ZNF750: variants seen among roughly 807,000 people sequenced by gnomAD.
ZNF750 encodes the protein zinc finger protein 750.
Under a neutral mutation model 31.6 loss-of-function variants are expected in ZNF750, and 10 were observed. That is an observed-to-expected ratio of 0.32 (90% CI 0.19 to 0.54). The LOEUF (loss-of-function observed/expected upper bound fraction) is 0.54, where lower values mean the gene tolerates loss of function less well. ZNF750 is among the 20% of genes least tolerant of loss of function. The pLI is 0.95. For missense variants in ZNF750, 914 were observed against 934.9 expected, an observed-to-expected ratio of 0.98 and a Z score of 0.29; for synonymous variants, 400 against 404.9, an observed-to-expected ratio of 0.99 and a Z score of 0.15.
Position 82,831,647 on chromosome 17 carries a change from C to T in ZNF750, c.808G>A (p.Ala270Thr), listed in dbSNP as rs898913707. The T allele has an allele frequency of 5.9e-5, 96 of 1,613,946 alleles. No homozygotes were observed. The highest frequency in any genetic ancestry group is 1.6e-4 in the Middle Eastern group (1 of 6,084). The change falls in exon 2 of 3, where the codon GCA becomes ACA. Residue 270 changes from alanine (A) to threonine (T), a missense_variant. By Grantham distance (58) the Ala-to-Thr change is moderately conservative. Around this residue, in one of 2 missense-constraint regions of ZNF750, gnomAD observed 880 missense variants for 868.9 expected, o/e 1.01. Transcript: ENST00000269394. This position sits in a 1 kb window ranked among gnomAD's most constrained non-coding sequence, Gnocchi z 4.6. ...GTTCCGTAGACTGACAGCAGGGGTG[C>T]GTCACACTCAGGCGAGCTCCCAGCC... ...LLAGSSPECD[A>T]PLLSVYGTQD... is the part of the protein sequence containing the mutation.
At chr17:82,839,312 A>G (rs1209600757) in intron 1 of ZNF750, among the ~76,000 whole-genome samples, 2 of 152,208 alleles carry the variant, frequency 1.3e-5, no homozygotes, top group African/African-American at 4.8e-5. Context: ...CCACACATAT[A>G]TAACCCTAAA....
chr17:82,830,548 C>A lies in ZNF750; in HGVS notation c.1766G>T (p.Gly589Val), dbSNP rs573122999. ...AGGGTGGCTGGGCCCATCCTCAGAA[C>A]CTTCTGTCCCAGTCTTCTGTGGAAC... ...AAVPQKTGTEGSEDGPSHPET... is the reference protein window; with the variant it reads ...AAVPQKTGTEVSEDGPSHPET... The change falls in exon 3 of 3, where the codon GGT (glycine) becomes GTT (valine). Residue 589 changes from glycine to valine, a missense_variant. Physicochemically the swap from Gly to Val is moderately radical, Grantham distance 109. Transcript: ENST00000269394. 6.2e-7 allele frequency: 1 copy of A among 1,614,140 alleles called. No homozygotes were observed. The highest frequency in any genetic ancestry group is 1.1e-5 in the South Asian group (1 of 91,084).
At position 82,830,363 on chromosome 17, in the gene ZNF750, C is replaced by T; in HGVS notation, c.1951G>A (p.Val651Met). 6.2e-7 allele frequency: 1 copy of T among 1,613,292 alleles called. No individual in the cohort carries two copies. The highest frequency in any genetic ancestry group is 8.5e-7 in the Non-Finnish European group (1 of 1,180,040). ...GGGGCCGCAGCATCCCCATCGCCCA[C>T]CCGGATGTTCCTGGGGCTGTAGGCC... is the stretch of plus-strand genomic sequence containing the variant. ...LAAYSPRNIR[V>M]GDGDAAAPEP... The change falls in exon 3 of 3, where the codon GTG becomes ATG. Residue 651 changes from valine to methionine, a missense_variant. Val to Met is a conservative substitution (Grantham distance 21). Transcript: ENST00000269394.
chr17:82,837,093 G>A (rs2054053108), intron 1 of ZNF750, among the ~76,000 whole-genome samples: 1 of 152,176 alleles, frequency 6.6e-6, no homozygotes. Context: ...TGTAAGCCGG[G>A]CGTAGGTCAC....
rs772629683 is a variant in ZNF750, at chr17:82,830,976, C to G, written c.1436+43G>C. ...ATAAGCCTGGCTCATGGAACCCAAC[C>G]AGAAACATTCCCTTGGAGGTTTTGA... On this transcript the variant is annotated intron_variant, in intron 2 of 2. Coordinates refer to ENST00000269394, the MANE Select transcript of ZNF750 (RefSeq NM_024702.3). 5.0e-6 allele frequency: 8 copies of G among 1,613,572 alleles called. No homozygotes were observed. The South Asian group carries it at 7.7e-5, about 16-fold the overall frequency.
rs985594009 is a variant in ZNF750 at position 82,835,445 on chromosome 17, G to A, written c.-182-2809C>T. The stretch of plus-strand genomic sequence containing the variant: ...TCTTTCTTTCTTTCTTTTTTGAGAC[G>A]GAGTTTTGGTCTTGTTGCCCAGGCT... On this transcript the variant is annotated intron_variant, in intron 1 of 2. Transcript: ENST00000269394. The surrounding 1 kb of genome is among the most constrained non-coding windows in gnomAD (Gnocchi z 4.5). Among the ~76,000 whole-genome samples the A allele has an allele frequency of 1.3e-5, 2 of 151,958 alleles. No individual in the cohort carries two copies.
rs1180267405 is a variant in ZNF750, at chr17:82,835,746, AAC to A, written c.-182-3112_-182-3111del. ...GGCTCATTTATTTATAATTCTTAAA[AAC>A]ACAACCACCCTTCCCCCTACAAACT... On this transcript the variant is annotated intron_variant, in intron 1 of 2. Transcript: ENST00000269394. This position sits in a 1 kb window ranked among gnomAD's most constrained non-coding sequence, Gnocchi z 4.5. Among the ~76,000 whole-genome samples, 1 of 152,154 alleles carries A rather than the reference AAC, an allele frequency of 6.6e-6. No individual in the cohort carries two copies. The highest frequency in any genetic ancestry group is 6.6e-5 in the Admixed American group (1 of 15,262).
At chr17:82,839,594 A>T (rs1323919217) in intron 1 of ZNF750, among the ~76,000 whole-genome samples, 25 of 152,206 alleles carry the variant, frequency 1.6e-4, no homozygotes. Context: ...TCTTGTTAGC[A>T]TTTATTGTAG....
At chr17:82,838,417 T>C (rs1308354142) in intron 1 of ZNF750, among the ~76,000 whole-genome samples, 1 of 152,214 alleles carries the variant, frequency 6.6e-6, no homozygotes, top group Non-Finnish European at 1.5e-5. Flanking sequence ...GCTGGGTAAC[T>C]ATGCTTGTCA....
chr17:82,834,601 A>G (rs1394510683), intron 1 of ZNF750, among the ~76,000 whole-genome samples: 1 of 152,118 alleles, frequency 6.6e-6, no homozygotes, highest in Non-Finnish European at 1.5e-5. Flanking sequence ...CAGCATCCTC[A>G]GCAAACTAAC....
chr17:82,834,589 G>C (rs1211498222), intron 1 of ZNF750, among the ~76,000 whole-genome samples: 1 of 152,130 alleles, frequency 6.6e-6, no homozygotes, highest in Non-Finnish European at 1.5e-5. Flanking sequence ...GGAGCTGGAA[G>C]CCAGCATCCT....
In ZNF750 at chr17:82,830,626, G is replaced by T; in HGVS notation, c.1688C>A (p.Ala563Asp). 7 of 1,614,042 alleles carry T rather than the reference G, an allele frequency of 4.3e-6. No homozygotes were observed. Among genetic ancestry groups the T allele is most frequent in the Non-Finnish European group, 5.9e-6 (7 of 1,179,946 alleles). Residue 563 changes from alanine (A) to aspartate (D), a missense_variant, in exon 3 of 3, where the codon GCT becomes GAT. Around this residue, in one of 2 missense-constraint regions of ZNF750, gnomAD observed 880 missense variants for 868.9 expected, o/e 1.01. Transcript: ENST00000269394. ...TCGACCGGGGAAGGCAGGCCTCGGA[G>T]CCTGGGTGTTACAGGGGTCCTTCAC... ...LSVKDPCNTQAPRPAFPGRPR... is the reference protein window; with the variant it reads ...LSVKDPCNTQDPRPAFPGRPR...
chr17:82,830,220 G>A lies in ZNF750; in HGVS notation c.2094C>T (p.Ser698=). ...GCTTCGCCTTCTTAGCTCCTTGCTG[G>A]GATTTTCCAGCATCCCTTAGACTTG... ...KRTSLRDAGK[S]QQGAKKAKLQ... The change falls in exon 3 of 3, where the codon TCC becomes TCT. Residue 698 remains serine (S), a synonymous_variant. Transcript: ENST00000269394. The A allele has an allele frequency of 6.2e-7, 1 of 1,614,234 alleles. No homozygotes were observed. The highest frequency in any genetic ancestry group is 8.5e-7 in the Non-Finnish European group (1 of 1,180,050).
At chr17:82,837,272 A>G (rs1372588468) in intron 1 of ZNF750, among the ~76,000 whole-genome samples, 1 of 152,246 alleles carries the variant, frequency 6.6e-6, no homozygotes, top group Admixed American at 6.5e-5. Context: ...AGGCTGTCAC[A>G]GCTGTCTGTG....
chr17:82,830,392 A>G lies in ZNF750; in HGVS notation c.1922T>C (p.Leu641Pro), dbSNP rs765025152. 1.2e-6 allele frequency: 2 copies of G among 1,612,258 alleles called. No individual in the cohort carries two copies. The highest frequency in any genetic ancestry group is 1.1e-5 in the South Asian group (1 of 91,076). ...KQTAAVALCQ[L>P]AAYSPRNIRV... The stretch of plus-strand genomic sequence containing the variant: ...GATGTTCCTGGGGCTGTAGGCCGCC[A>G]GCTGGCACAGGGCCACGGCTGCCGT... The change falls in exon 3 of 3, where the codon CTG becomes CCG. Residue 641 changes from leucine to proline, a missense_variant. Leu to Pro is a moderately conservative substitution (Grantham distance 98). Transcript: ENST00000269394.
Position 82,835,986 on chromosome 17 carries a change from G to A in ZNF750, c.-182-3350C>T, listed in dbSNP as rs1055548441. ...ACCCTGGGCTCAGACCCCGCGCTCAGCACCCGTCTCCCACCGTGGGCTGCC... is the reference window on the plus strand; with the variant it reads ...ACCCTGGGCTCAGACCCCGCGCTCAACACCCGTCTCCCACCGTGGGCTGCC... On this transcript the variant is annotated intron_variant, in intron 1 of 2. Transcript: ENST00000269394. The surrounding 1 kb of genome is among the most constrained non-coding windows in gnomAD (Gnocchi z 4.5). Among the ~76,000 whole-genome samples, 49 of 152,156 alleles carry A rather than the reference G, an allele frequency of 3.2e-4. No homozygotes were observed. Among genetic ancestry groups the A allele is most frequent in the African/African-American group, 1.2e-3 (48 of 41,430 alleles).
rs12450046 is a variant in ZNF750 at position 82,832,512 on chromosome 17, G to A, written c.-58C>T. ...AGGTGGCGTGATCACTGTCGACGCCGCGTGCACTTCGTGGTTTCTAAAGAG... is the reference window on the plus strand; with the variant it reads ...AGGTGGCGTGATCACTGTCGACGCCACGTGCACTTCGTGGTTTCTAAAGAG... On this transcript the variant is annotated 5_prime_UTR_variant, in exon 2 of 3. Coordinates refer to ENST00000269394, the MANE Select transcript of ZNF750 (RefSeq NM_024702.3). The surrounding 1 kb of genome is among the most constrained non-coding windows in gnomAD (Gnocchi z 4.9). 251,616 of 1,487,512 alleles carry A rather than the reference G, an allele frequency of 0.17. 22,965 individuals carry two copies. Among genetic ancestry groups the A allele is most frequent in the Admixed American group, 0.27 (15,977 of 59,138 alleles). The allele number at this position is 1,487,512 out of a possible 1,614,324, so 92.1% of individuals were successfully genotyped here.
rs2053852386 is a variant in ZNF750 at position 82,835,065 on chromosome 17, C to A, written c.-182-2429G>T. Among the ~76,000 whole-genome samples, 1 of 150,940 alleles carries A rather than the reference C, an allele frequency of 6.6e-6. No homozygotes were observed. The highest frequency in any genetic ancestry group is 2.1e-4 in the South Asian group (1 of 4,798). On this transcript the variant is annotated intron_variant, in intron 1 of 2. Coordinates refer to ENST00000269394, the MANE Select transcript of ZNF750 (RefSeq NM_024702.3). This position sits in a 1 kb window ranked among gnomAD's most constrained non-coding sequence, Gnocchi z 4.5. ...TGGGCAACAGAATGAGACCCTGCCTCAAAAAAAAGCTAAATGGAAATGACT... is the reference window on the plus strand; with the variant it reads ...TGGGCAACAGAATGAGACCCTGCCTAAAAAAAAAGCTAAATGGAAATGACT...
chr17:82,830,323 C>A lies in ZNF750; in HGVS notation c.1991G>T (p.Arg664Leu). The change falls in exon 3 of 3, where the codon CGG (arginine) becomes CTG (leucine). Residue 664 changes from arginine to leucine, a missense_variant. Arg to Leu is a moderately radical substitution (Grantham distance 102). Coordinates refer to ENST00000269394, the MANE Select transcript of ZNF750 (RefSeq NM_024702.3). ...GGAGCTCAGTGTGGGTGTGTCTTGCCGGCAGGCAGGTTCCGGGGCCGCAGC... is the reference window on the plus strand; with the variant it reads ...GGAGCTCAGTGTGGGTGTGTCTTGCAGGCAGGCAGGTTCCGGGGCCGCAGC... ...GDAAAPEPAC[R>L]QDTPTLSSME... 1 of 1,614,090 alleles carries A rather than the reference C, an allele frequency of 6.2e-7. No individual in the cohort carries two copies. The highest frequency in any genetic ancestry group is 8.5e-7 in the Non-Finnish European group (1 of 1,180,032).
Sources: allele counts gnomAD v4.1 joint callset (sites outside exome capture counted in the v4.1 genomes callset), GRCh38; gene constraint gnomAD v4.1.1; regional missense constraint gnomAD v4.1.1; non-coding constraint Gnocchi (gnomAD v3.1); transcripts MANE v1.5; gene names NCBI Gene and HGNC (gene_info 2026-07-23, HGNC 2026-07-21).